LARGE1: variants seen among roughly 807,000 people sequenced by gnomAD.
LARGE1 encodes LARGE xylosyl- and glucuronyltransferase 1.
In LARGE1, 43 loss-of-function variants were observed where a neutral mutation model predicts 87.6. That is an observed-to-expected ratio of 0.49 (90% confidence interval 0.38 to 0.63). The LOEUF (loss-of-function observed/expected upper bound fraction) is 0.63, where lower values mean the gene tolerates loss of function less well. LARGE1 is among the 30% of genes least tolerant of loss of function. LARGE1 has a pLI of 0.00. For synonymous variants in LARGE1, 434 were observed against 394.6 expected, an observed-to-expected ratio of 1.10 and a Z score of -1.18; for missense variants, 802 against 1,000.2, an observed-to-expected ratio of 0.80 and a Z score of 2.67.
chr22:33,625,258 T>G (rs1006007311), intron 4 of LARGE1, among the ~76,000 whole-genome samples: 1 of 152,154 alleles, frequency 6.6e-6, no homozygotes, highest in Non-Finnish European at 1.5e-5. Flanking sequence ...GCTGGAACCA[T>G]GAACACCATT....
rs914951658 is a variant in LARGE1 at position 33,704,277 on chromosome 22, G to A, written c.107-53609C>T. Among the ~76,000 whole-genome samples, 9 of 152,298 alleles carry A rather than the reference G, an allele frequency of 5.9e-5. 2 individuals are homozygous for A. The highest frequency in any genetic ancestry group is 6.5e-5 in the Admixed American group (1 of 15,302). On this transcript the variant is annotated intron_variant, in intron 2 of 14. Coordinates refer to ENST00000397394, the MANE Select transcript of LARGE1 (RefSeq NM_133642.5). Reference sequence around the variant, plus strand: ...GAAGATGCATACATGTATCTGCAGGGCTGTGACCCAGTACAAGCACGGGTG... The same window carrying A: ...GAAGATGCATACATGTATCTGCAGGACTGTGACCCAGTACAAGCACGGGTG...
chr22:33,742,359 G>C (rs982338516), intron 2 of LARGE1, among the ~76,000 whole-genome samples: 3 of 152,214 alleles, frequency 2.0e-5, no homozygotes, highest in Admixed American at 6.5e-5. Context: ...TTCATGTGAT[G>C]ATGTAGCTGT....
intron 1 of LARGE1, among the ~76,000 whole-genome samples, chr22:33,865,966 A>G (rs1192940985): frequency 6.9e-6 from 1 of 144,276 alleles, no homozygotes; most frequent in Non-Finnish European, 1.5e-5. Context: ...CTCCCATCTC[A>G]GCCTCCCAAG....
exon 12 of LARGE1, chr22:33,165,416 T>C (rs1273572696): frequency 6.6e-6 from 1 of 152,178 alleles, no homozygotes; most frequent in Non-Finnish European, 1.5e-5. Context: ...TTGGATACAG[T>C]ATTAGGAGAT....
chr22:33,519,040 CAAAAG>C (rs928485413), intron 6 of LARGE1, among the ~76,000 whole-genome samples: 61 of 151,930 alleles, frequency 4.0e-4, no homozygotes, highest in African/African-American at 1.4e-3. Context: ...TTGTTTTAGG[CAAAAG>C]AAAAGAAAAG....
chr22:33,615,643 T>C (rs564121338), intron 4 of LARGE1, among the ~76,000 whole-genome samples: 1 of 134,358 alleles, frequency 7.4e-6, no homozygotes, highest in African/African-American at 2.8e-5. Flanking sequence ...TTCAGAACCA[T>C]ATGAAATAAA....
chr22:33,469,792 C>G (rs1008927429), intron 6 of LARGE1, among the ~76,000 whole-genome samples: 14 of 150,736 alleles, frequency 9.3e-5, no homozygotes, highest in African/African-American at 3.4e-4. Flanking sequence ...CGCACCACTG[C>G]ACTCCAGCCT....
Position 33,704,602 on chromosome 22 carries a change from G to A in LARGE1, c.107-53934C>T, listed in dbSNP as rs559417255. Among the ~76,000 whole-genome samples the A allele has an allele frequency of 6.7e-4, 102 of 152,254 alleles. 1 individual carries two copies. Among genetic ancestry groups the A allele is most frequent in the African/African-American group, 2.2e-3 (93 of 41,554 alleles). On this transcript the variant is annotated intron_variant, in intron 2 of 14. Transcript: ENST00000397394. Reference sequence around the variant, plus strand: ...GCACGACACTCATCAGTGAGGCCTGGAAAAGATGATAATCCACCTACACAT... The same window carrying A: ...GCACGACACTCATCAGTGAGGCCTGAAAAAGATGATAATCCACCTACACAT...
At chr22:33,709,315 G>A (rs973634301) in intron 2 of LARGE1, among the ~76,000 whole-genome samples, 3 of 152,072 alleles carry the variant, frequency 2.0e-5, no homozygotes, top group South Asian at 2.1e-4. Flanking sequence ...CCACGAAGGT[G>A]CCTAGACCTG....
chr22:33,341,383 T>G (rs1318318292), intron 9 of LARGE1, among the ~76,000 whole-genome samples: 1 of 152,014 alleles, frequency 6.6e-6, no homozygotes, highest in African/African-American at 2.4e-5. Flanking sequence ...AGGAACTGGG[T>G]ATCCACAGCT....
At chr22:33,725,732 G>A (rs889354895) in intron 2 of LARGE1, 3 of 152,136 alleles carry the variant, frequency 2.0e-5, no homozygotes, top group South Asian at 2.1e-4. Flanking sequence ...TGCCTCTCAC[G>A]GCTCAGAGCT....
chr22:33,590,209 T>C (rs1222857475), intron 5 of LARGE1, among the ~76,000 whole-genome samples: 3 of 152,246 alleles, frequency 2.0e-5, no homozygotes, highest in Non-Finnish European at 4.4e-5. Context: ...GTATTAAACT[T>C]ACCAATTTAA....
downstream of LARGE1, among the ~76,000 whole-genome samples, chr22:33,272,307 A>G (rs1302524134): frequency 6.6e-6 from 1 of 152,128 alleles, no homozygotes; most frequent in Non-Finnish European, 1.5e-5. Context: ...GTATCTGTGT[A>G]TCTGTCTGTG....
intron 1 of LARGE1, among the ~76,000 whole-genome samples, chr22:33,805,038 T>C (rs575358976): frequency 6.6e-6 from 1 of 152,336 alleles, no homozygotes; most frequent in South Asian, 2.1e-4. Flanking sequence ...CAAGCTTGTT[T>C]CTCTTGCAAT....
intron 6 of LARGE1, among the ~76,000 whole-genome samples, chr22:33,508,001 T>G (rs1446925379): frequency 6.6e-6 from 1 of 152,194 alleles, no homozygotes; most frequent in Non-Finnish European, 1.5e-5. Context: ...TTTATACCTT[T>G]GGGTTGAAGG....
At chr22:33,805,504 C>T (rs1039960514) in intron 1 of LARGE1, among the ~76,000 whole-genome samples, 18 of 152,040 alleles carry the variant, frequency 1.2e-4, no homozygotes, top group African/African-American at 3.9e-4. Context: ...GAGACTCAGG[C>T]GGGCGGATCA....
At chr22:33,657,837 CCT>C (rs1321550261) in intron 2 of LARGE1, among the ~76,000 whole-genome samples, 1 of 152,176 alleles carries the variant, frequency 6.6e-6, no homozygotes, top group Non-Finnish European at 1.5e-5. Flanking sequence ...GTCAGTTCCC[CCT>C]GAGTACATGT....
chr22:33,487,803 T>C lies in LARGE1; in HGVS notation c.788-55538A>G, dbSNP rs192793162. Among the ~76,000 whole-genome samples, 310 of 152,294 alleles carry C rather than the reference T, an allele frequency of 2.0e-3. 2 individuals carry two copies. The highest frequency in any genetic ancestry group is 2.0e-3 in the Non-Finnish European group (133 of 68,022). On this transcript the variant is annotated intron_variant, in intron 6 of 14. Transcript: ENST00000397394. ...GCTGCTCACTGACGGCAAGACCTCT[T>C]GGGCACTTGATGTTGAAACTCTGAG... is the stretch of plus-strand genomic sequence containing the variant.
chr22:33,182,472 T>C (rs2146169404), intron 11 of LARGE1, among the ~76,000 whole-genome samples: 1 of 152,258 alleles, frequency 6.6e-6, no homozygotes, highest in East Asian at 1.9e-4. Context: ...GACAATTCAA[T>C]AGGGAAAGAA....
Sources: allele counts gnomAD v4.1 joint callset (sites outside exome capture counted in the v4.1 genomes callset), GRCh38; gene constraint gnomAD v4.1.1; transcripts MANE v1.5; gene names NCBI Gene and HGNC (gene_info 2026-07-23, HGNC 2026-07-21).